CPSF7: variants seen among roughly 807,000 people sequenced by gnomAD.
CPSF7 encodes cleavage and polyadenylation specific factor 7, also known as cleavage and polyadenylation specificity factor subunit 7.
CPSF7 carries 1 observed loss-of-function variant against 44.3 expected under a neutral mutation model. That is an observed-to-expected ratio of 0.02 (90% CI 0.01 to 0.11). CPSF7 has a LOEUF of 0.11. Among genes scored for constraint, CPSF7 ranks in the 10% least tolerant of loss-of-function variants. The pLI is 1.00. For missense variants in CPSF7, 443 were observed against 607.2 expected (o/e 0.73, Z 2.84); for synonymous variants, 202 against 222.0 (o/e 0.91, Z 0.80).
intron 9 of CPSF7, among the ~76,000 whole-genome samples, chr11:61,410,277 G>T (rs1299735152): frequency 1.3e-5 from 2 of 152,036 alleles, no homozygotes; most frequent in African/African-American, 4.8e-5. Context: ...TAGAGACAGG[G>T]TCTCCCTATG....
rs533900169 is a variant in CPSF7 at position 61,419,898 on chromosome 11, CT to C, written c.523+50del. The C allele has an allele frequency of 1.8e-3, 2,820 of 1,599,876 alleles. 11 individuals are homozygous for C. Among genetic ancestry groups the C allele is most frequent in the African/African-American group, 4.0e-3 (298 of 74,592 alleles). On this transcript the variant is annotated intron_variant, in intron 5 of 9. Coordinates refer to ENST00000439958, the MANE Select transcript of CPSF7 (RefSeq NM_001142565.3). The stretch of plus-strand genomic sequence containing the variant: ...AAAACAAACCCACAAACACCCCCCC[CT>C]CATACAGATGGTCTCCACGTACCCC...
At chr11:61,417,574 G>A (rs950208959) in intron 5 of CPSF7, among the ~76,000 whole-genome samples, 3 of 152,078 alleles carry the variant, frequency 2.0e-5, no homozygotes, top group Non-Finnish European at 4.4e-5. Context: ...GTTAATCCCA[G>A]CTCCTGAGTA....
At position 61,419,938 on chromosome 11, in the gene CPSF7, GACA is replaced by G. The variant is rs750305291; in HGVS notation, c.523+8_523+10del. 1 of 1,613,054 alleles carries G rather than the reference GACA, an allele frequency of 6.2e-7. No homozygotes were observed. Among genetic ancestry groups the G allele is most frequent in the South Asian group, 1.1e-5 (1 of 90,956 alleles). ...TCCACGTACCCCCTCTTGGGACTCG[GACA>G]CACTCACGTTTCCGAGCCTGTGCCT... On this transcript the variant is annotated splice_region_variant and intron_variant, in intron 5 of 9. Transcript: ENST00000439958.
At chr11:61,421,274 G>A in intron 3 of CPSF7, 116 bp downstream of exon 3, 1 of 1,072,336 alleles carries the variant, frequency 9.3e-7, no homozygotes, top group East Asian at 2.6e-5. Context: ...CCAGGAAAAA[G>A]AAATCCAACC....
At position 61,404,136 on chromosome 11, in the gene CPSF7, T is replaced by G. The variant is rs1332837975; in HGVS notation, c.*574A>C. ...AGGGAAAGCAGGAACAGAAGTAGCT[T>G]TTCATAAGGTAATTTCTGTTCTCAT... On this transcript the variant is annotated 3_prime_UTR_variant, in exon 10 of 10. Transcript: ENST00000439958. The G allele has an allele frequency of 6.6e-6, 1 of 152,514 alleles. No individual in the cohort carries two copies. The highest frequency in any genetic ancestry group is 1.5e-5 in the Non-Finnish European group (1 of 68,040). 9.4% of individuals were successfully genotyped at this position (152,514 alleles called of 1,614,324 possible). A position where few individuals can be genotyped will look rare whatever the true frequency, so the allele number is the denominator to read the frequency against.
At chr11:61,416,051 G>T in intron 6 of CPSF7, 54 bp downstream of exon 6, 1 of 1,404,594 alleles carries the variant, frequency 7.1e-7, no homozygotes, top group Non-Finnish European at 9.6e-7. Flanking sequence ...AGAATAAAAT[G>T]CTTAATACAC....
chr11:61,423,875 A>G (rs982782458), intron 2 of CPSF7, among the ~76,000 whole-genome samples: 1 of 152,256 alleles, frequency 6.6e-6, no homozygotes, highest in Non-Finnish European at 1.5e-5. Context: ...TCTGAAGTAC[A>G]GTGGAAGAAA....
intron 2 of CPSF7, among the ~76,000 whole-genome samples, chr11:61,423,384 G>A (rs1227290559): frequency 3.9e-5 from 6 of 151,932 alleles, no homozygotes; most frequent in Admixed American, 3.9e-4. Flanking sequence ...TGTTGGTCAG[G>A]CTGGTCTCAA....
At chr11:61,411,228 T>G in intron 8 of CPSF7, 123 bp from the exon 9 acceptor site, 1 of 965,044 alleles carries the variant, frequency 1.0e-6, no homozygotes, top group East Asian at 2.6e-5. Flanking sequence ...ATGGGCCTGC[T>G]GTCTGAGGAT....
intron 5 of CPSF7, among the ~76,000 whole-genome samples, chr11:61,417,144 C>T (rs577235437): frequency 7.2e-5 from 11 of 152,114 alleles, no homozygotes; most frequent in East Asian, 1.9e-4. Flanking sequence ...TTGGGAGATA[C>T]GCCAATAAAA....
rs1366942129 is a variant in CPSF7 at position 61,403,874 on chromosome 11, G to A, written c.*836C>T. ...TAGCCTTCTGGGGGAAGGGCTCCAT[G>A]TGTTAAATGGAAAAGCCCCAGGGAA... On this transcript the variant is annotated 3_prime_UTR_variant, in exon 10 of 10. Transcript: ENST00000439958. 1.3e-5 allele frequency: 2 copies of A among 152,604 alleles called. No individual in the cohort carries two copies. The highest frequency in any genetic ancestry group is 1.3e-4 in the Admixed American group (2 of 15,282). 9.5% of individuals were successfully genotyped at this position (152,604 alleles called of 1,614,324 possible).
chr11:61,405,861 C>G (rs1859267958), intron 9 of CPSF7: 1 of 152,156 alleles, frequency 6.6e-6, no homozygotes, highest in Non-Finnish European at 1.5e-5. Flanking sequence ...GTCTAAACAC[C>G]TACGCAGGCT....
intron 5 of CPSF7, 52 bp downstream of exon 5, chr11:61,419,897 C>A (rs7940494): frequency 2.4e-5 from 39 of 1,601,560 alleles, no homozygotes; most frequent in Admixed American, 2.2e-4. Context: ...AACACCCCCC[C>A]CTCATACAGA....
intron 2 of CPSF7, among the ~76,000 whole-genome samples, chr11:61,425,337 T>A (rs1180080892): frequency 6.6e-6 from 1 of 152,228 alleles, no homozygotes; most frequent in Non-Finnish European, 1.5e-5. Context: ...CAGTAATAGA[T>A]TAAAGTAAAA....
chr11:61,424,524 C>T (rs1446055403), intron 2 of CPSF7, among the ~76,000 whole-genome samples: 1 of 152,228 alleles, frequency 6.6e-6, no homozygotes, highest in Non-Finnish European at 1.5e-5. Flanking sequence ...GCAATCTTGG[C>T]TCACTGCAAC....
In CPSF7 at chr11:61,402,881, T is replaced by A. The variant is rs910935283; in HGVS notation, c.*1829A>T. On this transcript the variant is annotated 3_prime_UTR_variant, in exon 10 of 10. Coordinates refer to ENST00000439958, the MANE Select transcript of CPSF7 (RefSeq NM_001142565.3). ...GAAATAAAACTAAAAATGGTGTCATTGAGTAAAAACAAAACAAATGGGGAG... is the reference window on the plus strand; with the variant it reads ...GAAATAAAACTAAAAATGGTGTCATAGAGTAAAAACAAAACAAATGGGGAG... 1.3e-5 allele frequency: 2 copies of A among 152,510 alleles called. No individual in the cohort carries two copies. The highest frequency in any genetic ancestry group is 4.8e-5 in the African/African-American group (2 of 41,390). 9.4% of individuals were successfully genotyped at this position (152,510 alleles called of 1,614,324 possible).
rs1165924021 is a variant in CPSF7, at chr11:61,420,528, C to T, written c.319G>A (p.Val107Ile). 2 of 1,614,044 alleles carry T rather than the reference C, an allele frequency of 1.2e-6. No individual in the cohort carries two copies. Among genetic ancestry groups the T allele is most frequent in the Non-Finnish European group, 1.7e-6 (2 of 1,180,040 alleles). The change falls in exon 4 of 10, where the codon GTC (valine) becomes ATC (isoleucine). Residue 107 changes from valine (V) to isoleucine (I), a missense_variant. Physicochemically the swap from Val to Ile is conservative, Grantham distance 29 (BLOSUM62 3). Coordinates refer to ENST00000439958, the MANE Select transcript of CPSF7 (RefSeq NM_001142565.3). The stretch of plus-strand genomic sequence containing the variant: ...AATTTCAACTCCACCACATCATAGA[C>T]TCCTATAGAGCGAATAACCTGGATC... ...QLIQVIRSIG[V>I]YDVVELKFAE...
chr11:61,413,544 T>C (rs1860040495), intron 7 of CPSF7, among the ~76,000 whole-genome samples: 1 of 151,662 alleles, frequency 6.6e-6, no homozygotes, highest in Non-Finnish European at 1.5e-5. Flanking sequence ...GGCAGGAGAA[T>C]TGCTTAAATC....
chr11:61,412,015 G>T, intron 7 of CPSF7, 78 bp from the exon 8 acceptor site: 1 of 1,332,622 alleles, frequency 7.5e-7, no homozygotes, highest in Non-Finnish European at 1.1e-6. Context: ...AACTCAGGCA[G>T]ACACAAACCA....
Sources: gnomAD v4.1 joint callset for allele counts (sites outside exome capture counted in the v4.1 genomes callset) on GRCh38, gnomAD v4.1.1 for gene constraint, MANE v1.5 for transcripts, NCBI Gene and HGNC (gene_info 2026-07-23, HGNC 2026-07-21) for gene names.